ZDHHC13: variants seen among roughly 807,000 people sequenced by gnomAD.
ZDHHC13 encodes the protein palmitoyltransferase ZDHHC13.
In ZDHHC13, 85 loss-of-function variants were observed where a neutral mutation model predicts 86.0. The observed-to-expected ratio is 0.99, with a 90% CI of 0.83 to 1.18. The LOEUF (loss-of-function observed/expected upper bound fraction) is 1.18. ZDHHC13 is among the 50% of genes most tolerant of loss of function. ZDHHC13 has a pLI of 0.00. For missense variants in ZDHHC13, 711 were observed against 730.2 expected, an observed-to-expected ratio of 0.97 and a Z score of 0.30; for synonymous variants, 263 against 246.4, an observed-to-expected ratio of 1.07 and a Z score of -0.63.
intron 1 of ZDHHC13, among the ~76,000 whole-genome samples, chr11:19,136,602 C>A (rs1405534919): frequency 1.3e-5 from 2 of 151,890 alleles, no homozygotes; most frequent in Admixed American, 1.3e-4. Flanking sequence ...AGAGCAACTC[C>A]AAGACACATA....
chr11:19,153,545 T>A (rs905614994), intron 8 of ZDHHC13, among the ~76,000 whole-genome samples: 3 of 152,124 alleles, frequency 2.0e-5, no homozygotes, highest in African/African-American at 7.2e-5. Flanking sequence ...GAGAAAGAAA[T>A]AGTGGTTATT....
chr11:19,174,700 G>C (rs1319216216), intron 16 of ZDHHC13, among the ~76,000 whole-genome samples: 1 of 152,260 alleles, frequency 6.6e-6, no homozygotes, highest in East Asian at 1.9e-4. Context: ...AGTGCAGTCA[G>C]GAAAGCTCCA....
intron 1 of ZDHHC13, among the ~76,000 whole-genome samples, chr11:19,137,061 T>C (rs563495620): frequency 2.4e-4 from 37 of 151,752 alleles, no homozygotes; most frequent in Admixed American, 7.2e-4. Context: ...AATTCACACA[T>C]AACAGTATTA....
In ZDHHC13 at chr11:19,176,074, GT is replaced by G; in HGVS notation, c.*119del. 1.6e-6 allele frequency: 2 copies of G among 1,237,802 alleles called. No individual in the cohort carries two copies. The highest frequency in any genetic ancestry group is 2.1e-6 in the Non-Finnish European group (2 of 938,118). 76.7% of individuals were successfully genotyped at this position (1,237,802 alleles called of 1,614,324 possible). On this transcript the variant is annotated 3_prime_UTR_variant, in exon 17 of 17. Transcript: ENST00000446113. Reference sequence around the variant, plus strand: ...ACCTAAGTCCAAAGGAAAACACGTGGTTTTTAAAGCCATTAGGTAAAAAAAG... The same window carrying G: ...ACCTAAGTCCAAAGGAAAACACGTGGTTTTAAAGCCATTAGGTAAAAAAAG...
chr11:19,143,167 A>C, intron 2 of ZDHHC13, 44 bp downstream of exon 2: 1 of 1,571,278 alleles, frequency 6.4e-7, no homozygotes, highest in Non-Finnish European at 8.6e-7. Flanking sequence ...GTTCTCTAGA[A>C]TTAATAGTAA....
chr11:19,120,356 T>C (rs1848736849), intron 1 of ZDHHC13, among the ~76,000 whole-genome samples: 1 of 152,226 alleles, frequency 6.6e-6, no homozygotes, highest in Admixed American at 6.5e-5. Flanking sequence ...CACTTACATC[T>C]GGCAGTTAAC....
At chr11:19,163,233 G>A in intron 10 of ZDHHC13, 70 bp from the exon 11 acceptor site, 1 of 1,483,286 alleles carries the variant, frequency 6.7e-7, no homozygotes, top group East Asian at 2.4e-5. Flanking sequence ...TGCCAATGAT[G>A]AAATTTGCTT....
intron 1 of ZDHHC13, among the ~76,000 whole-genome samples, chr11:19,142,379 A>G (rs1022086496): frequency 6.6e-6 from 1 of 152,206 alleles, no homozygotes; most frequent in Admixed American, 6.5e-5. Flanking sequence ...CTGATATAAC[A>G]TGACCATGGG....
chr11:19,134,303 C>T (rs919319606), intron 1 of ZDHHC13, among the ~76,000 whole-genome samples: 2 of 152,066 alleles, frequency 1.3e-5, no homozygotes, highest in Non-Finnish European at 2.9e-5. Flanking sequence ...CAAGACCAGT[C>T]TGGGCAACAT....
intron 10 of ZDHHC13, among the ~76,000 whole-genome samples, chr11:19,162,561 C>T (rs1768580325): frequency 6.6e-6 from 1 of 152,026 alleles, no homozygotes; most frequent in African/African-American, 2.4e-5. Context: ...GTCAGTGAAC[C>T]ACACAGGCAA....
At chr11:19,170,058 T>C (rs1850177081) in intron 14 of ZDHHC13, 1 of 1,062,060 alleles carries the variant, frequency 9.4e-7, no homozygotes, top group African/African-American at 1.7e-5. Context: ...AGACCCATAG[T>C]TGCTATAAAC....
At chr11:19,138,179 G>GA (rs1168838053) in intron 1 of ZDHHC13, among the ~76,000 whole-genome samples, 1 of 150,854 alleles carries the variant, frequency 6.6e-6, no homozygotes. Flanking sequence ...GACTAATAAA[G>GA]AAAAAAAGAG....
intron 1 of ZDHHC13, among the ~76,000 whole-genome samples, chr11:19,131,155 A>T (rs1292786650): frequency 6.6e-6 from 1 of 152,168 alleles, no homozygotes; most frequent in Non-Finnish European, 1.5e-5. Flanking sequence ...AATAGCTGGG[A>T]CTGCAGGCAC....
chr11:19,162,380 G>A (rs543735681), intron 10 of ZDHHC13, among the ~76,000 whole-genome samples: 1 of 152,262 alleles, frequency 6.6e-6, no homozygotes, highest in African/African-American at 2.4e-5. Context: ...GAGTGCCTTA[G>A]ATAAAGCATT....
intron 1 of ZDHHC13, among the ~76,000 whole-genome samples, chr11:19,130,275 AT>A (rs1336641177): frequency 1.2e-4 from 19 of 152,204 alleles, no homozygotes; most frequent in African/African-American, 4.6e-4. Context: ...TTTAAGATCC[AT>A]TTTGATAATG....
rs763788151 is a variant in ZDHHC13 at position 19,163,448 on chromosome 11, A to G, written c.1233+21A>G. The G allele has an allele frequency of 2.0e-5, 31 of 1,564,734 alleles. No individual in the cohort carries two copies. In the African/African-American group the frequency reaches 4.2e-4, roughly 21 times the overall value. ...AAGTGGTGAGATTTCTTCGTTACTG[A>G]TATTTTTAATAGGAGGGTTTGTAAA... On this transcript the variant is annotated intron_variant, in intron 11 of 16. Coordinates refer to ENST00000446113, the MANE Select transcript of ZDHHC13 (RefSeq NM_019028.3).
chr11:19,148,248 C>T (rs1164044697), intron 4 of ZDHHC13, among the ~76,000 whole-genome samples: 10 of 151,816 alleles, frequency 6.6e-5, no homozygotes, highest in South Asian at 2.1e-4. Flanking sequence ...TTAATTTAAA[C>T]TCCACTCTCG....
intron 1 of ZDHHC13, among the ~76,000 whole-genome samples, chr11:19,124,021 A>G (rs1246696270): frequency 6.6e-6 from 1 of 152,162 alleles, no homozygotes; most frequent in African/African-American, 2.4e-5. Context: ...TTTTGACTCA[A>G]CAGTCCTACT....
At chr11:19,150,183 G>A (rs2133423923) in intron 5 of ZDHHC13, among the ~76,000 whole-genome samples, 1 of 152,210 alleles carries the variant, frequency 6.6e-6, no homozygotes, top group African/African-American at 2.4e-5. Context: ...TTATTAAAAG[G>A]ACTGTATCCT....
Sources: allele counts gnomAD v4.1 joint callset (sites outside exome capture counted in the v4.1 genomes callset), GRCh38; gene constraint gnomAD v4.1.1; transcripts MANE v1.5; gene names NCBI Gene and HGNC (gene_info 2026-07-23, HGNC 2026-07-21).